Variants in LAMA2 observed in about 807,000 individuals in gnomAD.
LAMA2 encodes laminin subunit alpha 2, also known as laminin subunit alpha-2.
LAMA2 carries 269 observed loss-of-function variants against 364.8 expected under a neutral mutation model. The ratio of observed to expected loss-of-function variants is 0.74; its 90% CI spans 0.67 to 0.82. The LOEUF (loss-of-function observed/expected upper bound fraction) is 0.82. Among genes scored for constraint, LAMA2 ranks in the 40% least tolerant of loss-of-function variants. The probability of loss-of-function intolerance (pLI) is 0.00; values close to 1 mark genes in which losing one functional copy is unlikely to be tolerated. For synonymous variants in LAMA2, 1,379 were observed against 1,370.6 expected, an observed-to-expected ratio of 1.01 and a Z score of -0.14; for missense variants, 3,807 against 3,873.2, an observed-to-expected ratio of 0.98 and a Z score of 0.45.
chr6:129,403,819 A>G lies in LAMA2; in HGVS notation c.5727-2A>G, dbSNP rs148433965. On this transcript the variant is annotated splice_acceptor_variant, in intron 39 of 64. Coordinates refer to ENST00000421865, the MANE Select transcript of LAMA2 (RefSeq NM_000426.4). LOFTEE classifies it high-confidence loss of function. Reference sequence around the variant, plus strand: ...CATTCCTTTTTTGAATCATCCCACCAGAATCCTTGATGAGGCTAAAAACAT... The same window carrying G: ...CATTCCTTTTTTGAATCATCCCACCGGAATCCTTGATGAGGCTAAAAACAT... 3.1e-6 allele frequency: 5 copies of G among 1,613,168 alleles called. No individual in the cohort carries two copies. Among genetic ancestry groups the G allele is most frequent in the East Asian group, 2.2e-5 (1 of 44,854 alleles).
At chr6:128,936,181 CT>C (rs1273409650) in intron 1 of LAMA2, among the ~76,000 whole-genome samples, 1 of 152,184 alleles carries the variant, frequency 6.6e-6, no homozygotes, top group East Asian at 1.9e-4. Context: ...AAACTTTTTC[CT>C]TTATAAATCA....
intron 63 of LAMA2, among the ~76,000 whole-genome samples, chr6:129,513,061 T>C (rs1038987179): frequency 2.6e-4 from 39 of 152,158 alleles, no homozygotes; most frequent in African/African-American, 9.2e-4. Flanking sequence ...AGCCCTGCAT[T>C]AAGACAACTT....
chr6:129,364,051 C>A (rs1407744227), intron 32 of LAMA2, among the ~76,000 whole-genome samples: 1 of 152,158 alleles, frequency 6.6e-6, no homozygotes, highest in Non-Finnish European at 1.5e-5. Flanking sequence ...GTTCATTCAG[C>A]TTGTGAAGCA....
chr6:128,948,639 G>A (rs151274358), intron 1 of LAMA2, among the ~76,000 whole-genome samples: 1 of 152,270 alleles, frequency 6.6e-6, no homozygotes, highest in Non-Finnish European at 1.5e-5. Context: ...TATTGGACGT[G>A]GGGACTGGTG....
intron 1 of LAMA2, among the ~76,000 whole-genome samples, chr6:128,933,387 G>A (rs1280498493): frequency 6.6e-6 from 1 of 152,132 alleles, no homozygotes; most frequent in Non-Finnish European, 1.5e-5. Flanking sequence ...TGTGGATGCA[G>A]ATATCTCCTT....
chr6:129,460,442 C>T (rs570924267), intron 49 of LAMA2, 118 bp downstream of exon 49: 1 of 1,068,242 alleles, frequency 9.4e-7, no homozygotes, highest in Non-Finnish European at 1.4e-6. Flanking sequence ...AAGGATTATA[C>T]TCAGAGGTGG....
In LAMA2 at chr6:129,416,235, C is replaced by A. The variant is rs1281958589; in HGVS notation, c.5866-11517C>A. Among the ~76,000 whole-genome samples the A allele has an allele frequency of 5.2e-5, 2 of 38,834 alleles. 1 individual carries two copies. Among genetic ancestry groups the A allele is most frequent in the Non-Finnish European group, 9.6e-5 (2 of 20,898 alleles). The allele number at this position is 38,834 out of a possible 152,430, so 25.5% of individuals were successfully genotyped here. On this transcript the variant is annotated intron_variant, in intron 40 of 64. Coordinates refer to ENST00000421865, the MANE Select transcript of LAMA2 (RefSeq NM_000426.4). ...GATTACAGGCGTGAGCCACCGCGCC[C>A]GGCCGAAATTATACACTTTCTTTGA...
chr6:129,159,894 C>A (rs1423747429), intron 8 of LAMA2, among the ~76,000 whole-genome samples: 14 of 152,176 alleles, frequency 9.2e-5, no homozygotes, highest in Non-Finnish European at 2.1e-4. Flanking sequence ...TTAACGGGGA[C>A]AATTTATGCA....
At position 129,158,227 on chromosome 6, in the gene LAMA2, T is replaced by G. The variant is rs531192063; in HGVS notation, c.1206+3544T>G. The G allele has an allele frequency of 5.0e-6, 8 of 1,614,036 alleles. No individual in the cohort carries two copies. The African/African-American group carries it at 9.3e-5, about 19-fold the overall frequency. ...AAATAGAGCTGAGTCCAGGAACCTG[T>G]ACCTTTAATATCTGCCGCTATGAAA... is the stretch of plus-strand genomic sequence containing the variant. On this transcript the variant is annotated intron_variant, in intron 8 of 64. Transcript: ENST00000421865.
At chr6:128,961,972 G>T (rs1219348270) in intron 1 of LAMA2, among the ~76,000 whole-genome samples, 10 of 150,922 alleles carry the variant, frequency 6.6e-5, no homozygotes, top group African/African-American at 2.4e-4. Context: ...ACATTCTGGG[G>T]ATCAGCAGCT....
intron 27 of LAMA2, among the ~76,000 whole-genome samples, chr6:129,320,236 C>A (rs550457828): frequency 6.6e-6 from 1 of 152,140 alleles, no homozygotes; most frequent in African/African-American, 2.4e-5. Context: ...TCTTCATCCT[C>A]GTTGTCTTCA....
At chr6:129,393,288 A>C in intron 37 of LAMA2, 33 bp downstream of exon 37, 9 of 1,535,168 alleles carry the variant, frequency 5.9e-6, no homozygotes, top group African/African-American at 1.4e-5. Flanking sequence ...TCTTAATCTC[A>C]GAAGGTTGGG....
intron 28 of LAMA2, among the ~76,000 whole-genome samples, chr6:129,321,595 G>A (rs754097921): frequency 6.6e-6 from 1 of 152,170 alleles, no homozygotes; most frequent in Non-Finnish European, 1.5e-5. Context: ...CCTACAGCCT[G>A]AGTCTTATGA....
At chr6:129,062,527 C>T (rs1286957816) in intron 3 of LAMA2, among the ~76,000 whole-genome samples, 1 of 152,048 alleles carries the variant, frequency 6.6e-6, no homozygotes, top group Non-Finnish European at 1.5e-5. Context: ...TAGCCAACAA[C>T]CTGTTTCGTT....
intron 35 of LAMA2, among the ~76,000 whole-genome samples, chr6:129,386,728 G>A (rs973904300): frequency 1.6e-4 from 24 of 152,064 alleles, no homozygotes; most frequent in African/African-American, 5.3e-4. Context: ...TCTGTGTCCC[G>A]ATGAGGCCAT....
chr6:128,914,525 C>G (rs1230731591), intron 1 of LAMA2, among the ~76,000 whole-genome samples: 1 of 152,166 alleles, frequency 6.6e-6, no homozygotes, highest in Non-Finnish European at 1.5e-5. Context: ...CCAGTACATC[C>G]TAGTCCAGTT....
At chr6:128,930,125 C>T (rs997031205) in intron 1 of LAMA2, 4 of 271,964 alleles carry the variant, frequency 1.5e-5, no homozygotes, top group South Asian at 8.0e-5. Context: ...CCGCGCCCGG[C>T]AGCTACAGCC....
At chr6:128,883,829 CACACACAT>C (rs770582798) in intron 1 of LAMA2, among the ~76,000 whole-genome samples, 2,854 of 119,398 alleles carry the variant, frequency 0.024, 28 homozygotes, top group Middle Eastern at 0.031. Context: ...CACACACACA[CACACACAT>C]ATATATATAT....
At position 129,440,907 on chromosome 6, in the gene LAMA2, C is replaced by T. The variant is rs766076921; in HGVS notation, c.6177C>T (p.His2059=). The T allele has an allele frequency of 8.1e-6, 13 of 1,613,758 alleles. No individual in the cohort carries two copies. In the South Asian group the frequency reaches 1.3e-4, roughly 16 times the overall value. ...TACTGGCACAGATTACAGAGCTCCACCAGAACCTCGATGGCCTGAAGAAGA... is the reference window on the plus strand; with the variant it reads ...TACTGGCACAGATTACAGAGCTCCATCAGAACCTCGATGGCCTGAAGAAGA... The part of the protein sequence containing the change: ...KDVLAQITEL[H]QNLDGLKKNY... The change falls in exon 43 of 65, where the codon CAC becomes CAT. Residue 2059 remains histidine (H), a synonymous_variant. Transcript: ENST00000421865.
Sources: allele counts gnomAD v4.1 joint callset (sites outside exome capture counted in the v4.1 genomes callset), GRCh38; gene constraint gnomAD v4.1.1; transcripts MANE v1.5; gene names NCBI Gene and HGNC (gene_info 2026-07-23, HGNC 2026-07-21).